TRAPPC9: variants seen among roughly 807,000 people sequenced by gnomAD.
TRAPPC9 encodes trafficking protein particle complex subunit 9, also known as IKK2 binding protein.
TRAPPC9 carries 83 observed loss-of-function variants against 124.0 expected under a neutral mutation model. The observed-to-expected ratio is 0.67, with a 90% CI of 0.56 to 0.80. The LOEUF is 0.80. TRAPPC9 is among the 30% of genes least tolerant of loss of function. TRAPPC9 has a pLI of 0.00. For missense variants in TRAPPC9, 1,302 were observed against 1,508.3 expected (o/e 0.86, Z 2.27); for synonymous variants, 638 against 617.5 (o/e 1.03, Z -0.49).
chr8:140,059,292 C>G (rs192903096), intron 17 of TRAPPC9, among the ~76,000 whole-genome samples: 1 of 152,342 alleles, frequency 6.6e-6, no homozygotes, highest in Admixed American at 6.5e-5. Flanking sequence ...TTAAGTGGAG[C>G]AGCAGCTTGT....
At chr8:140,128,882 A>G (rs955564021) in intron 17 of TRAPPC9, among the ~76,000 whole-genome samples, 1 of 152,006 alleles carries the variant, frequency 6.6e-6, no homozygotes, top group Non-Finnish European at 1.5e-5. Flanking sequence ...ACAACTTCAC[A>G]GTCATTCAAG....
chr8:139,760,019 C>G (rs1315703568), intron 21 of TRAPPC9, among the ~76,000 whole-genome samples: 1 of 152,276 alleles, frequency 6.6e-6, no homozygotes, highest in Non-Finnish European at 1.5e-5. Context: ...CCCGTCATGT[C>G]TGACCCCCCG....
intron 16 of TRAPPC9, among the ~76,000 whole-genome samples, chr8:140,230,197 T>C (rs974984010): frequency 6.6e-6 from 1 of 152,202 alleles, no homozygotes; most frequent in African/African-American, 2.4e-5. Flanking sequence ...TCTCCTTTGC[T>C]GGACAAAGAC....
intron 20 of TRAPPC9, among the ~76,000 whole-genome samples, chr8:139,909,909 C>A (rs960336541): frequency 3.3e-5 from 5 of 152,184 alleles, no homozygotes; most frequent in Admixed American, 6.5e-5. Flanking sequence ...AAGACGAGAG[C>A]ACCACCGGCT....
At chr8:140,394,691 C>A (rs2069036449) in intron 7 of TRAPPC9, among the ~76,000 whole-genome samples, 1 of 152,144 alleles carries the variant, frequency 6.6e-6, no homozygotes, top group African/African-American at 2.4e-5. Context: ...CTCTTCCCCA[C>A]ACTGTCCCTC....
chr8:140,355,182 C>CA (rs2067702993), intron 9 of TRAPPC9, among the ~76,000 whole-genome samples: 1 of 152,188 alleles, frequency 6.6e-6, no homozygotes, highest in African/African-American at 2.4e-5. Flanking sequence ...CTTCCCAGGA[C>CA]AAGGGGCACC....
chr8:140,093,086 C>T (rs1844681024), intron 17 of TRAPPC9, among the ~76,000 whole-genome samples: 1 of 151,732 alleles, frequency 6.6e-6, no homozygotes, highest in South Asian at 2.1e-4. Flanking sequence ...TGTCAGCCTA[C>T]ACATAAACCA....
intron 19 of TRAPPC9, among the ~76,000 whole-genome samples, chr8:139,941,907 A>C (rs1281892353): frequency 6.6e-6 from 1 of 152,176 alleles, no homozygotes; most frequent in Non-Finnish European, 1.5e-5. Flanking sequence ...AGCATATCTG[A>C]AGGAGCCCCA....
At position 139,802,230 on chromosome 8, in the gene TRAPPC9, G is replaced by A. The variant is rs990449991; in HGVS notation, c.3056-70028C>T. Among the ~76,000 whole-genome samples, 5 of 152,190 alleles carry A rather than the reference G, an allele frequency of 3.3e-5. No homozygotes were observed. In the East Asian group the frequency reaches 5.8e-4, roughly 18 times the overall value. On this transcript the variant is annotated intron_variant, in intron 21 of 22. Transcript: ENST00000438773. ...CACAAATGTACTTGGAGTGAAGACT[G>A]CCCACCTGATCATGGCGCAGGAGAG...
At position 140,275,685 on chromosome 8, in the gene TRAPPC9, C is replaced by A; in HGVS notation, c.2251G>T (p.Val751Phe). The change falls in exon 15 of 23, where the codon GTC (valine) becomes TTC (phenylalanine). Residue 751 changes from valine to phenylalanine, a missense_variant. Transcript: ENST00000438773. ...TTAGTGGTGAGAACTTTCGAGGTGACCTCCAGTTTCTCCAATGGTTCCATT... is the reference window on the plus strand; with the variant it reads ...TTAGTGGTGAGAACTTTCGAGGTGAACTCCAGTTTCTCCAATGGTTCCATT... Reference protein sequence around the residue: ...IGMEPLEKLEVTSKVLTTKEK... With the variant: ...IGMEPLEKLEFTSKVLTTKEK... 6.2e-7 allele frequency: 1 copy of A among 1,614,178 alleles called. No homozygotes were observed. Among genetic ancestry groups the A allele is most frequent in the Non-Finnish European group, 8.5e-7 (1 of 1,180,026 alleles).
At chr8:140,445,977 G>T (rs1053778133) in intron 2 of TRAPPC9, among the ~76,000 whole-genome samples, 6 of 152,226 alleles carry the variant, frequency 3.9e-5, no homozygotes, top group African/African-American at 1.4e-4. Context: ...TGTGCCACCA[G>T]TGAGGGACAT....
At chr8:139,988,117 T>C (rs1269494364) in intron 19 of TRAPPC9, among the ~76,000 whole-genome samples, 1 of 149,856 alleles carries the variant, frequency 6.7e-6, no homozygotes, top group East Asian at 2.0e-4. Flanking sequence ...TTTTTTTTTT[T>C]TTTTTTTTTG....
At chr8:139,950,609 AG>A (rs1834575164) in intron 19 of TRAPPC9, among the ~76,000 whole-genome samples, 1 of 152,272 alleles carries the variant, frequency 6.6e-6, no homozygotes, top group African/African-American at 2.4e-5. Context: ...AGGCTGCACC[AG>A]CCAAGGGCCT....
intron 16 of TRAPPC9, among the ~76,000 whole-genome samples, chr8:140,249,715 C>T (rs1033995471): frequency 3.3e-5 from 5 of 151,352 alleles, no homozygotes; most frequent in South Asian, 2.1e-4. Flanking sequence ...GCCATTCTCC[C>T]ACCTCAGCCT....
chr8:140,396,132 C>A (rs1025965371), intron 7 of TRAPPC9, among the ~76,000 whole-genome samples: 10 of 136,260 alleles, frequency 7.3e-5, no homozygotes, highest in Admixed American at 8.4e-5. Context: ...GATGTTAAGA[C>A]CTTGCCTTTT....
At chr8:140,305,678 T>A (rs1029611996) in intron 10 of TRAPPC9, among the ~76,000 whole-genome samples, 2 of 152,208 alleles carry the variant, frequency 1.3e-5, no homozygotes, top group African/African-American at 2.4e-5. Flanking sequence ...TCATTTGATT[T>A]AATTTAACAT....
At chr8:139,950,275 C>G (rs1277558606) in intron 19 of TRAPPC9, among the ~76,000 whole-genome samples, 1 of 152,228 alleles carries the variant, frequency 6.6e-6, no homozygotes, top group African/African-American at 2.4e-5. Flanking sequence ...ACAATATGCA[C>G]AAATACTTTT....
intron 5 of TRAPPC9, among the ~76,000 whole-genome samples, chr8:140,413,079 T>A (rs527544928): frequency 2.0e-5 from 3 of 152,232 alleles, no homozygotes; most frequent in African/African-American, 7.2e-5. Flanking sequence ...CACAGCAGTG[T>A]GTGCAATAAT....
At chr8:139,754,013 C>T (rs74479600) in intron 21 of TRAPPC9, among the ~76,000 whole-genome samples, 128 of 152,370 alleles carry the variant, frequency 8.4e-4, no homozygotes, top group African/African-American at 2.9e-3. Flanking sequence ...CTGACTTCAT[C>T]TTGGCACGTC....
Sources: allele counts gnomAD v4.1 joint callset (sites outside exome capture counted in the v4.1 genomes callset), GRCh38; gene constraint gnomAD v4.1.1; transcripts MANE v1.5; gene names NCBI Gene and HGNC (gene_info 2026-07-23, HGNC 2026-07-21).